The following CLEC16A variants were observed in gnomAD, a reference collection of about 807,000 sequenced individuals.
CLEC16A encodes the protein protein CLEC16A.
Under a neutral mutation model 109.5 loss-of-function variants are expected in CLEC16A, and 51 were observed. The ratio of observed to expected loss-of-function variants is 0.47; its 90% CI spans 0.37 to 0.59. The LOEUF (loss-of-function observed/expected upper bound fraction) is 0.59, where lower values mean the gene tolerates loss of function less well. Ranked by LOEUF, CLEC16A falls within the 20% of genes least tolerant of loss-of-function variation. The pLI is 0.00. For synonymous variants in CLEC16A, 673 were observed against 564.2 expected (o/e 1.19, Z -2.73); for missense variants, 1,339 against 1,394.0 (o/e 0.96, Z 0.63).
chr16:11,031,215 C>T lies in CLEC16A; in HGVS notation c.1537+6294C>T, dbSNP rs142658736. Among the ~76,000 whole-genome samples the T allele has an allele frequency of 1.9e-3, 286 of 152,320 alleles. 2 individuals carry two copies. Among genetic ancestry groups the T allele is most frequent in the African/African-American group, 6.6e-3 (274 of 41,566 alleles). On this transcript the variant is annotated intron_variant, in intron 13 of 23. Transcript: ENST00000409790. ...TTGGTTGCTGCTCAGCTATGTGGCA[C>T]GTCCCCAAGGCCATCTCTTCCTGGC...
At chr16:11,092,157 G>A (rs1232150975) in intron 19 of CLEC16A, among the ~76,000 whole-genome samples, 1 of 152,054 alleles carries the variant, frequency 6.6e-6, no homozygotes, top group East Asian at 1.9e-4. Context: ...ACCAGCCTGG[G>A]CAACATGGCA....
intron 13 of CLEC16A, among the ~76,000 whole-genome samples, chr16:11,028,450 A>C (rs1160840505): frequency 6.6e-6 from 1 of 152,050 alleles, no homozygotes; most frequent in African/African-American, 2.4e-5. Context: ...ACATAATTGA[A>C]TCTGGAGAGT....
chr16:11,132,511 T>C (rs1236243984), intron 22 of CLEC16A, among the ~76,000 whole-genome samples: 1 of 152,212 alleles, frequency 6.6e-6, no homozygotes, highest in African/African-American at 2.4e-5. Context: ...AATGGGTTGC[T>C]GCGAACATTC....
intron 18 of CLEC16A, 117 bp from the exon 19 acceptor site, chr16:11,060,785 T>G: frequency 1.8e-6 from 2 of 1,092,644 alleles, no homozygotes. Context: ...GAGGTGGGCT[T>G]TATTGCGTTT....
chr16:11,123,877 A>C lies in CLEC16A; in HGVS notation c.2404A>C (p.Ile802Leu). 6.2e-7 allele frequency: 1 copy of C among 1,613,972 alleles called. No individual in the cohort carries two copies. Among genetic ancestry groups the C allele is most frequent in the East Asian group, 2.2e-5 (1 of 44,892 alleles). Reference sequence around the variant, plus strand: ...CATCTTCTCAGACCACATCCGCTGCATCATCGCCAAGCAGCGCCTGGCCAA... The same window carrying C: ...CATCTTCTCAGACCACATCCGCTGCCTCATCGCCAAGCAGCGCCTGGCCAA... ...TFIFSDHIRC[I>L]IAKQRLAKGR... Residue 802 changes from isoleucine (I) to leucine (L), a missense_variant, in exon 21 of 24, where the codon ATC (isoleucine) becomes CTC (leucine). By Grantham distance (5) the Ile-to-Leu change is conservative. Around this residue, in one of 3 missense-constraint regions of CLEC16A, gnomAD observed 1,061 missense variants for 1,006.8 expected, o/e 1.05. Transcript: ENST00000409790.
chr16:11,129,807 G>A (rs1431020947), intron 22 of CLEC16A, among the ~76,000 whole-genome samples: 1 of 149,484 alleles, frequency 6.7e-6, no homozygotes, highest in African/African-American at 2.5e-5. Context: ...CTGTCGCCCA[G>A]GCTGGGGTGC....
At chr16:11,120,811 A>AACACACAC (rs3217121) in intron 20 of CLEC16A, 45 bp downstream of exon 20, 19 of 934,426 alleles carry the variant, frequency 2.0e-5, no homozygotes, top group African/African-American at 1.1e-4. Context: ...GTTGGCTACA[A>AACACACAC]ACACACACAC....
intron 11 of CLEC16A, among the ~76,000 whole-genome samples, chr16:11,019,495 A>G (rs1361914757): frequency 1.3e-5 from 2 of 152,230 alleles, no homozygotes; most frequent in Non-Finnish European, 2.9e-5. Context: ...TAGGCCAGAC[A>G]TGGTGGCTGA....
rs2052339617 is a variant in CLEC16A at position 11,120,698 on chromosome 16, A to T, written c.2200A>T (p.Met734Leu). The change falls in exon 20 of 24, where the codon ATG (methionine) becomes TTG (leucine). Residue 734 changes from methionine to leucine, a missense_variant. Around this residue, in one of 3 missense-constraint regions of CLEC16A, gnomAD observed 1,061 missense variants for 1,006.8 expected, o/e 1.05. Transcript: ENST00000409790. ...ATTCCTGGCTGTGGATATTTACCAG[A>T]TGAGTTTGGTGGAGCCTGATGTGTC... ...QRFLAVDIYQ[M>L]SLVEPDVSRL... 1 of 1,610,824 alleles carries T rather than the reference A, an allele frequency of 6.2e-7. No homozygotes were observed. The highest frequency in any genetic ancestry group is 8.5e-7 in the Non-Finnish European group (1 of 1,178,562).
At chr16:11,079,448 C>G (rs1263817778) in intron 19 of CLEC16A, among the ~76,000 whole-genome samples, 1 of 152,200 alleles carries the variant, frequency 6.6e-6, no homozygotes, top group African/African-American at 2.4e-5. Context: ...TTCCCTCCAG[C>G]CTTTGGACTG....
chr16:10,955,525 C>G (rs1025625027), intron 1 of CLEC16A, among the ~76,000 whole-genome samples: 21 of 152,112 alleles, frequency 1.4e-4, no homozygotes, highest in Non-Finnish European at 1.9e-4. Context: ...CCAAGAGATG[C>G]CCGAGCTGGG....
At chr16:11,166,818 G>A (rs954408324) in intron 23 of CLEC16A, among the ~76,000 whole-genome samples, 1 of 152,220 alleles carries the variant, frequency 6.6e-6, no homozygotes. Context: ...CTGATGGGCA[G>A]CAGGCGGGCT....
chr16:11,075,585 T>C (rs1368465037), intron 19 of CLEC16A, among the ~76,000 whole-genome samples: 1 of 152,080 alleles, frequency 6.6e-6, no homozygotes, highest in Non-Finnish European at 1.5e-5. Flanking sequence ...CACAGGCATG[T>C]GCTACCATGT....
chr16:11,152,104 G>A (rs1029124127), intron 22 of CLEC16A, among the ~76,000 whole-genome samples: 2 of 152,220 alleles, frequency 1.3e-5, no homozygotes, highest in African/African-American at 4.8e-5. Context: ...GCAAGGGCCA[G>A]CTTAGCACAG....
In CLEC16A at chr16:11,178,494, C is replaced by G. The variant is rs1302203303; in HGVS notation, c.2966C>G (p.Pro989Arg). The change falls in exon 24 of 24, where the codon CCC (proline) becomes CGC (arginine). Residue 989 changes from proline (P) to arginine (R), a missense_variant. Physicochemically the swap from Pro to Arg is moderately radical, Grantham distance 103 (BLOSUM62 -2). Around this residue, in one of 3 missense-constraint regions of CLEC16A, gnomAD observed 1,061 missense variants for 1,006.8 expected, o/e 1.05. Coordinates refer to ENST00000409790, the MANE Select transcript of CLEC16A (RefSeq NM_015226.3). This position sits in a 1 kb window ranked among gnomAD's most constrained non-coding sequence, Gnocchi z 6.5. ...CCCAGCCTCGTCCCTGCCCGGCAGC[C>G]CACCATTTCCCTGCTCTGCGAGGAC... ...LSPSLVPARQ[P>R]TISLLCEDTA... is the part of the protein sequence containing the mutation. The G allele has an allele frequency of 3.7e-6, 6 of 1,613,502 alleles. No individual in the cohort carries two copies. The highest frequency in any genetic ancestry group is 5.1e-6 in the Non-Finnish European group (6 of 1,179,908).
At chr16:11,159,080 G>T (rs1352641739) in intron 22 of CLEC16A, among the ~76,000 whole-genome samples, 2 of 152,182 alleles carry the variant, frequency 1.3e-5, no homozygotes, top group Non-Finnish European at 2.9e-5. Context: ...GAGGTGTTAT[G>T]TCAAAATCCA....
At chr16:11,157,213 GTATT>G (rs2054566946) in intron 22 of CLEC16A, 5 of 1,233,550 alleles carry the variant, frequency 4.1e-6, no homozygotes, top group Non-Finnish European at 5.2e-6. Context: ...GAAATAAAAA[GTATT>G]TAAGCGTTGT....
intron 23 of CLEC16A, among the ~76,000 whole-genome samples, chr16:11,177,995 A>G (rs2068825864): frequency 6.6e-6 from 1 of 152,128 alleles, no homozygotes; most frequent in Non-Finnish European, 1.5e-5. Flanking sequence ...CAGGCCTGAG[A>G]TTTGCCCACA....
chr16:11,118,130 T>G (rs538454334), intron 19 of CLEC16A, among the ~76,000 whole-genome samples: 13 of 151,778 alleles, frequency 8.6e-5, no homozygotes, highest in African/African-American at 1.2e-4. Context: ...TTTTTTCTGC[T>G]TTTTGTAGAG....
Sources: gnomAD v4.1 joint callset for allele counts (sites outside exome capture counted in the v4.1 genomes callset) on GRCh38, gnomAD v4.1.1 for gene constraint, gnomAD v4.1.1 regional missense constraint, Gnocchi (gnomAD v3.1) non-coding constraint, MANE v1.5 for transcripts, NCBI Gene and HGNC (gene_info 2026-07-23, HGNC 2026-07-21) for gene names.